SCFD2: variants seen among roughly 807,000 people sequenced by gnomAD.
SCFD2 encodes the protein sec1 family domain-containing protein 2.
In SCFD2, 54 loss-of-function variants were observed where a neutral mutation model predicts 58.9. The ratio of observed to expected loss-of-function variants is 0.92; its 90% CI spans 0.74 to 1.15. SCFD2 has a LOEUF of 1.15. Ranked by LOEUF, SCFD2 falls within the 50% of genes most tolerant of loss-of-function variation. SCFD2 has a pLI of 0.00. For missense variants in SCFD2, 805 were observed against 836.6 expected (o/e 0.96, Z 0.47); for synonymous variants, 321 against 335.9 (o/e 0.96, Z 0.49).
intron 4 of SCFD2, among the ~76,000 whole-genome samples, chr4:53,267,765 TTTC>T (rs1160294816): frequency 1.1e-4 from 16 of 152,300 alleles, no homozygotes; most frequent in African/African-American, 3.4e-4. Context: ...CTTTCAATTC[TTTC>T]TTTAGTTGTT....
At chr4:53,330,346 A>G (rs1250528529) in intron 2 of SCFD2, among the ~76,000 whole-genome samples, 1 of 151,924 alleles carries the variant, frequency 6.6e-6, no homozygotes, top group East Asian at 1.9e-4. Context: ...AGCCAGAGAG[A>G]AAGGTCGGGT....
At chr4:53,136,472 G>T (rs1423704228) in intron 5 of SCFD2, among the ~76,000 whole-genome samples, 1 of 152,106 alleles carries the variant, frequency 6.6e-6, no homozygotes, top group Non-Finnish European at 1.5e-5. Context: ...CTCCCAAAAA[G>T]TATACTTTGA....
At chr4:53,191,597 G>C (rs2148958399) in intron 4 of SCFD2, among the ~76,000 whole-genome samples, 1 of 152,078 alleles carries the variant, frequency 6.6e-6, no homozygotes, top group East Asian at 2.0e-4. Flanking sequence ...AGTAGAGAAG[G>C]GGTTTCACCA....
At chr4:52,954,242 C>T (rs1195126552) in intron 5 of SCFD2, among the ~76,000 whole-genome samples, 2 of 152,214 alleles carry the variant, frequency 1.3e-5, no homozygotes, top group East Asian at 1.9e-4. Flanking sequence ...CTCTCACCTG[C>T]CTGTGGAGGA....
At chr4:53,115,088 G>A (rs895535506) in intron 5 of SCFD2, among the ~76,000 whole-genome samples, 2 of 151,828 alleles carry the variant, frequency 1.3e-5, no homozygotes, top group Non-Finnish European at 2.9e-5. Flanking sequence ...AAATTAGAAG[G>A]GATAATCAGA....
At chr4:53,130,807 AG>A (rs1725766206) in intron 5 of SCFD2, among the ~76,000 whole-genome samples, 1 of 152,208 alleles carries the variant, frequency 6.6e-6, no homozygotes, top group South Asian at 2.1e-4. Flanking sequence ...CAGTTGTGAT[AG>A]GAAAGGATGA....
intron 4 of SCFD2, among the ~76,000 whole-genome samples, chr4:53,189,552 T>C (rs1384151005): frequency 6.6e-6 from 1 of 152,200 alleles, no homozygotes; most frequent in Non-Finnish European, 1.5e-5. Flanking sequence ...GAGAGAGCAG[T>C]AAGGGAGGAA....
intron 4 of SCFD2, among the ~76,000 whole-genome samples, chr4:53,184,715 C>T (rs1007207648): frequency 3.3e-5 from 5 of 152,048 alleles, no homozygotes; most frequent in African/African-American, 1.2e-4. Context: ...GAACTCAACT[C>T]ATCAATCCCT....
intron 7 of SCFD2, among the ~76,000 whole-genome samples, chr4:52,900,890 C>G (rs542250241): frequency 6.6e-6 from 1 of 152,322 alleles, no homozygotes; most frequent in East Asian, 1.9e-4. Context: ...TGATCTCAGT[C>G]TGCTGTGCTA....
chr4:53,225,183 C>T (rs1474722296), intron 4 of SCFD2, among the ~76,000 whole-genome samples: 1 of 152,060 alleles, frequency 6.6e-6, no homozygotes, highest in African/African-American at 2.4e-5. Context: ...TAAACCTTTT[C>T]AAGGTTTATT....
At chr4:53,280,028 C>A (rs543147998) in intron 3 of SCFD2, among the ~76,000 whole-genome samples, 104 of 152,326 alleles carry the variant, frequency 6.8e-4, no homozygotes, top group South Asian at 6.4e-3. Context: ...AGAAGCTATT[C>A]TTCCAATTAC....
At chr4:53,303,086 C>A (rs1273030238) in intron 3 of SCFD2, among the ~76,000 whole-genome samples, 1 of 152,084 alleles carries the variant, frequency 6.6e-6, no homozygotes, top group Non-Finnish European at 1.5e-5. Context: ...GCAACAAAAG[C>A]CAAAATAGAC....
intron 5 of SCFD2, among the ~76,000 whole-genome samples, chr4:53,004,450 T>A (rs975689074): frequency 3.9e-5 from 6 of 152,172 alleles, no homozygotes; most frequent in Non-Finnish European, 1.5e-5. Context: ...ATAGCTAACA[T>A]TCAGATAGCC....
At chr4:53,131,860 T>C (rs1262713915) in intron 5 of SCFD2, among the ~76,000 whole-genome samples, 1 of 152,256 alleles carries the variant, frequency 6.6e-6, no homozygotes, top group Non-Finnish European at 1.5e-5. Flanking sequence ...GAAATATGTA[T>C]TGTATCTAAT....
At chr4:53,127,815 T>C (rs1341714462) in intron 5 of SCFD2, among the ~76,000 whole-genome samples, 2 of 152,114 alleles carry the variant, frequency 1.3e-5, no homozygotes, top group East Asian at 3.9e-4. Context: ...CTTCTGCTGC[T>C]CTGAAAAGTC....
chr4:53,231,513 T>C (rs1729439147), intron 4 of SCFD2, among the ~76,000 whole-genome samples: 1 of 152,216 alleles, frequency 6.6e-6, no homozygotes. Context: ...AGTCTATATT[T>C]TCTCTTTTTT....
chr4:53,121,866 T>C (rs530864683), intron 5 of SCFD2, among the ~76,000 whole-genome samples: 1 of 152,272 alleles, frequency 6.6e-6, no homozygotes, highest in Non-Finnish European at 1.5e-5. Flanking sequence ...CCGTGTGATT[T>C]TTTTAAAGCA....
At chr4:53,202,964 A>G (rs1222086093) in intron 4 of SCFD2, among the ~76,000 whole-genome samples, 3 of 152,224 alleles carry the variant, frequency 2.0e-5, no homozygotes, top group African/African-American at 2.4e-5. Context: ...CAATCATGTC[A>G]TCTGCAAACA....
intron 3 of SCFD2, among the ~76,000 whole-genome samples, chr4:53,277,877 C>T (rs981996983): frequency 2.0e-5 from 3 of 150,556 alleles, no homozygotes; most frequent in African/African-American, 4.9e-5. Flanking sequence ...ACGGTGAAAC[C>T]CCGTCCCTAC....
Sources: gnomAD v4.1 joint callset for allele counts (sites outside exome capture counted in the v4.1 genomes callset) on GRCh38, gnomAD v4.1.1 for gene constraint, MANE v1.5 for transcripts, NCBI Gene and HGNC (gene_info 2026-07-23, HGNC 2026-07-21) for gene names.